The following TCF20 variants were observed in gnomAD, a reference collection of about 807,000 sequenced individuals.
TCF20 encodes the protein transcription factor 20, also known as SPRE-binding protein.
Under a neutral mutation model 148.6 loss-of-function variants are expected in TCF20, and 3 were observed. That is an observed-to-expected ratio of 0.02 (90% CI 0.01 to 0.05). The LOEUF is 0.05. TCF20 is among the 10% of genes least tolerant of loss of function. The pLI, the probability that TCF20 is intolerant of heterozygous loss-of-function variation, is 1.00. For synonymous variants in TCF20, 1,049 were observed against 909.5 expected, an observed-to-expected ratio of 1.15 and a Z score of -2.76; for missense variants, 2,350 against 2,429.3, an observed-to-expected ratio of 0.97 and a Z score of 0.69.
At chr22:42,189,525 C>T (rs1042838642) in intron 2 of TCF20, among the ~76,000 whole-genome samples, 10 of 152,222 alleles carry the variant, frequency 6.6e-5, no homozygotes, top group Non-Finnish European at 1.3e-4. Context: ...AGAACACAGG[C>T]TATCTTCCTG....
chr22:42,338,042 G>C lies in TCF20; in HGVS notation c.-37+5437C>G, dbSNP rs530326174. On this transcript the variant is annotated intron_variant, in intron 1 of 1. Transcript: ENST00000515426. The surrounding 1 kb of genome is among the most constrained non-coding windows in gnomAD (Gnocchi z 4.0). ...CTCCACCAGTCACTGTGGCCAGAGG[G>C]AGGGGGTACTGGGCCCCACCTGGGT... Among the ~76,000 whole-genome samples, 1 of 152,226 alleles carries C rather than the reference G, an allele frequency of 6.6e-6. No individual in the cohort carries two copies. The highest frequency in any genetic ancestry group is 1.5e-5 in the Non-Finnish European group (1 of 68,046).
At chr22:42,196,910 A>G (rs895166003) in intron 2 of TCF20, among the ~76,000 whole-genome samples, 1 of 152,102 alleles carries the variant, frequency 6.6e-6, no homozygotes, top group African/African-American at 2.4e-5. Flanking sequence ...GGTATTGTCT[A>G]TCTGCCTGTG....
chr22:42,249,228 G>A lies in TCF20; in HGVS notation c.-37+21111C>T, dbSNP rs538561192. Among the ~76,000 whole-genome samples the A allele has an allele frequency of 1.6e-4, 24 of 152,308 alleles. 1 individual carries two copies. The South Asian group carries it at 5.0e-3, about 32-fold the overall frequency. ...TAACACCATTAGCTTCCCTGGTTCT[G>A]AGGCCTTTGGATTTGGACTGAGGTA... On this transcript the variant is annotated intron_variant, in intron 1 of 5. Transcript: ENST00000677622.
rs1453259836 is a variant in TCF20, at chr22:42,255,526, ACAAAAC to A, written c.-37+14807_-37+14812del. On this transcript the variant is annotated intron_variant, in intron 1 of 5. Transcript: ENST00000677622. Reference sequence around the variant, plus strand: ...AACAACAACAACAACAACAACAACAACAAAACCACATTATTTATTGTTATAAATGTT... The same window carrying A: ...AACAACAACAACAACAACAACAACAACACATTATTTATTGTTATAAATGTT... Among the ~76,000 whole-genome samples the A allele has an allele frequency of 7.4e-3, 1,086 of 146,976 alleles. 12 individuals are homozygous for A. Among genetic ancestry groups the A allele is most frequent in the African/African-American group, 0.026 (1,019 of 38,582 alleles).
At chr22:42,193,277 C>T (rs1689975494) in intron 2 of TCF20, among the ~76,000 whole-genome samples, 1 of 151,412 alleles carries the variant, frequency 6.6e-6, no homozygotes, top group Non-Finnish European at 1.5e-5. Flanking sequence ...TCTCCTCCTC[C>T]TCCACCTACA....
Position 42,210,739 on chromosome 22 carries a change from G to A in TCF20, c.4567C>T (p.Pro1523Ser), listed in dbSNP as rs1364387403. The A allele has an allele frequency of 2.5e-6, 4 of 1,614,030 alleles. No individual in the cohort carries two copies. The Admixed American group carries it at 5.0e-5, about 20-fold the overall frequency. Reference sequence around the variant, plus strand: ...TTTGGAGGGAAACCCTCTTGCTTCGGTGAAATCGTCACTGTATCGTTCTCC... The same window carrying A: ...TTTGGAGGGAAACCCTCTTGCTTCGATGAAATCGTCACTGTATCGTTCTCC... ...EKENDTVTISPKQEGFPPKGY... is the reference protein window; with the variant it reads ...EKENDTVTISSKQEGFPPKGY... Residue 1523 changes from proline to serine, a missense_variant, in exon 2 of 6, where the codon CCG becomes TCG. Pro to Ser is a moderately conservative substitution (Grantham distance 74). Around this residue, in one of 7 missense-constraint regions of TCF20, gnomAD observed 231 missense variants for 213.7 expected, o/e 1.08. Transcript: ENST00000677622. The surrounding 1 kb of genome is among the most constrained non-coding windows in gnomAD (Gnocchi z 4.7).
chr22:42,251,149 T>C (rs1015073350), intron 1 of TCF20, among the ~76,000 whole-genome samples: 8 of 152,192 alleles, frequency 5.3e-5, no homozygotes, highest in Non-Finnish European at 7.3e-5. Flanking sequence ...AGTGTTGTCA[T>C]GTTTTTGTTT....
chr22:42,263,321 C>T (rs1364073054), intron 1 of TCF20, among the ~76,000 whole-genome samples: 5 of 152,146 alleles, frequency 3.3e-5, no homozygotes, highest in Admixed American at 2.0e-4. Context: ...GTCAGGGAAA[C>T]GCCCAGAGAA....
Position 42,175,900 on chromosome 22 carries a change from C to T in TCF20, c.5749+3709G>A, listed in dbSNP as rs181292148. The stretch of plus-strand genomic sequence containing the variant: ...GAGGGTCATGCAGCCCCTCCTGGGT[C>T]CTTCCATCTCAGCCTCCCTGGGTAG... On this transcript the variant is annotated intron_variant, in intron 3 of 5. Transcript: ENST00000677622. 3.1e-3 allele frequency among the ~76,000 whole-genome samples: 468 copies of T among 151,904 alleles called. 1 individual carries two copies. Among genetic ancestry groups the T allele is most frequent in the Non-Finnish European group, 4.7e-3 (322 of 67,972 alleles).
chr22:42,311,625 C>T (rs576996081), intron 1 of TCF20, among the ~76,000 whole-genome samples: 1 of 152,156 alleles, frequency 6.6e-6, no homozygotes, highest in African/African-American at 2.4e-5. Flanking sequence ...TCATGCAGAC[C>T]CCAGGCCTGG....
At chr22:42,205,054 T>C (rs1470755955) in intron 2 of TCF20, among the ~76,000 whole-genome samples, 3 of 152,188 alleles carry the variant, frequency 2.0e-5, no homozygotes, top group Non-Finnish European at 4.4e-5. Context: ...AGATCTACCT[T>C]CTGTCACATC....
At chr22:42,185,722 G>A (rs967041761) in intron 2 of TCF20, among the ~76,000 whole-genome samples, 2 of 152,152 alleles carry the variant, frequency 1.3e-5, no homozygotes, top group African/African-American at 4.8e-5. Flanking sequence ...GTTAGCCAAA[G>A]CAATACATAC....
chr22:42,282,861 A>C, intron 1 of TCF20, among the ~76,000 whole-genome samples: 1 of 151,016 alleles, frequency 6.6e-6, no homozygotes, highest in Non-Finnish European at 1.5e-5. Flanking sequence ...AAATGCAAGA[A>C]GCACACGCCA....
chr22:42,323,405 G>A lies in TCF20; in HGVS notation c.-37+20074C>T, dbSNP rs890757157. On this transcript the variant is annotated intron_variant, in intron 1 of 1. Transcript: ENST00000515426. ...ACTGGATTCTGAGGACATTGCAGCA[G>A]GAATGCCCTCAGAGGTCATTAGCAT... 1.3e-5 allele frequency among the ~76,000 whole-genome samples: 2 copies of A among 151,780 alleles called. 1 individual carries two copies. The highest frequency in any genetic ancestry group is 1.3e-4 in the Admixed American group (2 of 15,212).
rs1266744393 is a variant in TCF20, at chr22:42,193,981, G to C, written c.5656-14279C>G. On this transcript the variant is annotated intron_variant, in intron 2 of 5. Coordinates refer to ENST00000677622, the MANE Select transcript of TCF20 (RefSeq NM_001378418.1). The stretch of plus-strand genomic sequence containing the variant: ...GATTAGAAAAAAGCAACAAGTAGAG[G>C]ATGGGACTGGTCAGATTATTGAAAT... Among the ~76,000 whole-genome samples the C allele has an allele frequency of 5.9e-5, 9 of 152,084 alleles. No individual in the cohort carries two copies. In the East Asian group the frequency reaches 9.6e-4, roughly 16 times the overall value.
rs116615805 is a variant in TCF20, at chr22:42,262,875, A to G, written c.-37+7464T>C. Among the ~76,000 whole-genome samples the G allele has an allele frequency of 3.3e-3, 496 of 152,266 alleles. 6 individuals are homozygous for G. Among genetic ancestry groups the G allele is most frequent in the African/African-American group, 0.011 (472 of 41,534 alleles). On this transcript the variant is annotated intron_variant, in intron 1 of 5. Coordinates refer to ENST00000677622, the MANE Select transcript of TCF20 (RefSeq NM_001378418.1). Reference sequence around the variant, plus strand: ...CTATTTAATTGCCCTTCTCTACTATATACTAGGCCAATATTTGAGAACATA... The same window carrying G: ...CTATTTAATTGCCCTTCTCTACTATGTACTAGGCCAATATTTGAGAACATA...
At chr22:42,273,894 G>A (rs1344590132), upstream of TCF20, 2 of 152,756 alleles carry the variant, frequency 1.3e-5, no homozygotes, top group Non-Finnish European at 1.5e-5. Context: ...CTGCCTCTAG[G>A]TCACTGATTC....
chr22:42,216,636 C>T (rs1025016552), intron 1 of TCF20, among the ~76,000 whole-genome samples: 1 of 152,164 alleles, frequency 6.6e-6, no homozygotes, highest in African/African-American at 2.4e-5. Context: ...CACCTTTACC[C>T]GCCATGTGGT....
At chr22:42,259,477 A>G (rs185673901) in intron 1 of TCF20, among the ~76,000 whole-genome samples, 2 of 152,330 alleles carry the variant, frequency 1.3e-5, no homozygotes, top group Admixed American at 1.3e-4. Flanking sequence ...GTCTTAATCT[A>G]TAGCCCAGTT....
Sources: allele counts gnomAD v4.1 joint callset (sites outside exome capture counted in the v4.1 genomes callset), GRCh38; gene constraint gnomAD v4.1.1; regional missense constraint gnomAD v4.1.1; non-coding constraint Gnocchi (gnomAD v3.1); transcripts MANE v1.5; gene names NCBI Gene and HGNC (gene_info 2026-07-23, HGNC 2026-07-21).